Variants in LOXHD1 observed in about 807,000 individuals in gnomAD.
LOXHD1 encodes the protein lipoxygenase homology domain-containing protein 1.
In LOXHD1, 205 loss-of-function variants were observed where a neutral mutation model predicts 248.2. The ratio of observed to expected loss-of-function variants is 0.83; its 90% CI spans 0.74 to 0.93. The LOEUF is 0.93. LOXHD1 is among the 40% of genes least tolerant of loss of function. LOXHD1 has a pLI of 0.00. For missense variants in LOXHD1, 2,930 were observed against 2,971.6 expected (o/e 0.99, Z 0.33); for synonymous variants, 1,113 against 1,162.8 (o/e 0.96, Z 0.87).
intron 12 of LOXHD1, among the ~76,000 whole-genome samples, chr18:46,582,435 A>G (rs190152312): frequency 6.6e-6 from 1 of 152,324 alleles, no homozygotes; most frequent in Admixed American, 6.5e-5. Context: ...TAAAAAAACA[A>G]TGAGGGACCA....
At chr18:46,545,623 A>ATTTTTTTTTTTT (rs1555676193) in intron 22 of LOXHD1, among the ~76,000 whole-genome samples, 3 of 86,052 alleles carry the variant, frequency 3.5e-5, no homozygotes, top group African/African-American at 1.4e-4. Context: ...CCTCTTGGCC[A>ATTTTTTTTTTTT]TTTCTTTTTT....
chr18:46,605,308 C>T (rs1419340209), intron 6 of LOXHD1, among the ~76,000 whole-genome samples: 2 of 152,132 alleles, frequency 1.3e-5, no homozygotes, highest in African/African-American at 4.8e-5. Context: ...GGGAGGATCA[C>T]GAGGTCAGGA....
At chr18:46,509,917 G>T in intron 34 of LOXHD1, 102 bp from the exon 35 acceptor site, 1 of 816,690 alleles carries the variant, frequency 1.2e-6, no homozygotes, top group Non-Finnish European at 2.1e-6. Context: ...GAGAAGATTA[G>T]GCCTTTACTC....
rs1428924143 is a variant in LOXHD1 at position 46,592,078 on chromosome 18, A to C, written c.1519-10T>G. On this transcript the variant is annotated splice_polypyrimidine_tract_variant and intron_variant, in intron 11 of 40. Coordinates refer to ENST00000642948, the MANE Select transcript of LOXHD1 (RefSeq NM_001384474.1). ...TGTTCATCAGGGTCATCTGGAATGA[A>C]GTTCTGGGGTGAGCAAGTTGGTGCA... 1 of 1,552,256 alleles carries C rather than the reference A, an allele frequency of 6.4e-7. No homozygotes were observed. Among genetic ancestry groups the C allele is most frequent in the African/African-American group, 1.4e-5 (1 of 73,160 alleles).
chr18:46,636,651 A>G (rs921741152), intron 4 of LOXHD1, among the ~76,000 whole-genome samples: 2 of 152,186 alleles, frequency 1.3e-5, no homozygotes, highest in East Asian at 3.9e-4. Context: ...GGCTGGTGGT[A>G]TAAGTTCACT....
chr18:46,597,467 C>G (rs2038272999), intron 8 of LOXHD1, among the ~76,000 whole-genome samples: 1 of 151,252 alleles, frequency 6.6e-6, no homozygotes, highest in Non-Finnish European at 1.5e-5. Context: ...TAGCCTCAAA[C>G]TATATAAAGC....
intron 37 of LOXHD1, among the ~76,000 whole-genome samples, chr18:46,502,040 C>A (rs2034263624): frequency 6.6e-6 from 1 of 152,146 alleles, no homozygotes; most frequent in Non-Finnish European, 1.5e-5. Flanking sequence ...CATTTTTAAG[C>A]AAGGGATTCT....
chr18:46,485,254 G>C, intron 38 of LOXHD1, 103 bp from the exon 39 acceptor site: 1 of 1,387,550 alleles, frequency 7.2e-7, no homozygotes, highest in Non-Finnish European at 9.7e-7. Flanking sequence ...TTTGATCTTA[G>C]GCTGCAGCCT....
rs1481373118 is a variant in LOXHD1, at chr18:46,483,700, G to C, written c.6228C>G (p.Asp2076Glu). The part of the protein sequence containing the change: ...TFEFDSIYLG[D>E]IASLCVGHLA... ...GGTGGCCCACACAGAGGGAGGCAATGTCCCCCAAGTAGATGCTGTCAAACT... is the reference window on the plus strand; with the variant it reads ...GGTGGCCCACACAGAGGGAGGCAATCTCCCCCAAGTAGATGCTGTCAAACT... Residue 2076 changes from aspartate (D) to glutamate (E), a missense_variant, in exon 40 of 41, where the codon GAC becomes GAG. Asp to Glu is a conservative substitution (Grantham distance 45). Coordinates refer to ENST00000642948, the MANE Select transcript of LOXHD1 (RefSeq NM_001384474.1). 3 of 1,551,760 alleles carry C rather than the reference G, an allele frequency of 1.9e-6. No homozygotes were observed.
intron 29 of LOXHD1, among the ~76,000 whole-genome samples, chr18:46,526,492 C>T (rs1598920007): frequency 6.6e-6 from 1 of 152,270 alleles, no homozygotes; most frequent in South Asian, 2.1e-4. Context: ...TCTATGGGTG[C>T]ATGTACATGT....
intron 40 of LOXHD1, among the ~76,000 whole-genome samples, chr18:46,481,377 G>A (rs1249519517): frequency 6.6e-6 from 1 of 152,076 alleles, no homozygotes; most frequent in East Asian, 1.9e-4. Context: ...GAGAATTGCA[G>A]GTGACAGGTT....
intron 25 of LOXHD1, among the ~76,000 whole-genome samples, chr18:46,539,637 C>T (rs967245010): frequency 6.6e-6 from 1 of 151,956 alleles, no homozygotes; most frequent in Non-Finnish European, 1.5e-5. Flanking sequence ...AGTGGGTTGT[C>T]AACAGTATTT....
intron 34 of LOXHD1, among the ~76,000 whole-genome samples, chr18:46,514,821 G>A (rs2035160118): frequency 1.3e-5 from 2 of 152,122 alleles, no homozygotes; most frequent in Admixed American, 1.3e-4. Context: ...CTGGGCCTAG[G>A]CATGACCCCT....
chr18:46,636,395 G>A (rs934882581), intron 4 of LOXHD1, among the ~76,000 whole-genome samples: 6 of 152,184 alleles, frequency 3.9e-5, no homozygotes, highest in Admixed American at 6.5e-5. Context: ...GTGTCTTGAC[G>A]CATGAAATGC....
intron 40 of LOXHD1, among the ~76,000 whole-genome samples, chr18:46,478,451 T>C (rs1426167484): frequency 2.0e-5 from 3 of 152,146 alleles, no homozygotes; most frequent in Non-Finnish European, 4.4e-5. Flanking sequence ...ATCTCCTATT[T>C]GGAAATTATC....
chr18:46,646,210 G>C (rs1312078782), intron 2 of LOXHD1, among the ~76,000 whole-genome samples: 1 of 152,174 alleles, frequency 6.6e-6, no homozygotes, highest in African/African-American at 2.4e-5. Flanking sequence ...CGAGGAGACT[G>C]TGGGACCAGT....
chr18:46,505,915 T>C lies in LOXHD1; in HGVS notation c.5801A>G (p.Asn1934Ser). 3.9e-6 allele frequency: 6 copies of C among 1,551,946 alleles called. No homozygotes were observed. In the Middle Eastern group the frequency reaches 5.0e-4, roughly 129 times the overall value. Residue 1934 changes from asparagine (N) to serine (S), a missense_variant, in exon 37 of 41, where the codon AAC (asparagine) becomes AGC (serine). Physicochemically the swap from Asn to Ser is conservative, Grantham distance 46. Transcript: ENST00000642948. ...GTCAGGGAAGTTGAATGTGTCCGTGTTGTTCCGCTCAAACTTGTTCCAGTT... is the reference window on the plus strand; with the variant it reads ...GTCAGGGAAGTTGAATGTGTCCGTGCTGTTCCGCTCAAACTTGTTCCAGTT... ...SANWNKFERN[N>S]TDTFNFPDML...
chr18:46,643,553 G>C (rs574651378), intron 2 of LOXHD1, among the ~76,000 whole-genome samples: 2 of 152,290 alleles, frequency 1.3e-5, no homozygotes, highest in African/African-American at 4.8e-5. Context: ...CCTGATGTGG[G>C]AATTTCACTT....
intron 28 of LOXHD1, among the ~76,000 whole-genome samples, chr18:46,529,803 C>G (rs534678442): frequency 6.6e-6 from 1 of 152,184 alleles, no homozygotes; most frequent in East Asian, 1.9e-4. Context: ...ACAGTTTCCC[C>G]TCTGTTCATT....
Sources: gnomAD v4.1 joint callset for allele counts (sites outside exome capture counted in the v4.1 genomes callset) on GRCh38, gnomAD v4.1.1 for gene constraint, MANE v1.5 for transcripts, NCBI Gene and HGNC (gene_info 2026-07-23, HGNC 2026-07-21) for gene names.